The following PLXDC2 variants were observed in gnomAD, a reference collection of about 807,000 sequenced individuals.
PLXDC2 encodes the protein plexin domain-containing protein 2.
In PLXDC2, 40 loss-of-function variants were observed where a neutral mutation model predicts 68.9. That is an observed-to-expected ratio of 0.58 (90% CI 0.45 to 0.76). The LOEUF is 0.76. Ranked by LOEUF, PLXDC2 falls within the 30% of genes least tolerant of loss-of-function variation. The pLI, the probability that PLXDC2 is intolerant of heterozygous loss-of-function variation, is 0.00. For synonymous variants in PLXDC2, 243 were observed against 234.2 expected, an observed-to-expected ratio of 1.04 and a Z score of -0.34; for missense variants, 644 against 661.9, an observed-to-expected ratio of 0.97 and a Z score of 0.30.
rs190507400 is a variant in PLXDC2 at position 20,130,506 on chromosome 10, G to T, written c.542-12789G>T. Among the ~76,000 whole-genome samples the T allele has an allele frequency of 2.8e-3, 431 of 151,894 alleles. 1 individual carries two copies. Among genetic ancestry groups the T allele is most frequent in the Non-Finnish European group, 5.0e-3 (339 of 67,920 alleles). On this transcript the variant is annotated intron_variant, in intron 4 of 13. Transcript: ENST00000377252. ...TTTATTTCTTTTTTCTTGATTAATT[G>T]CTCTGGCTAGAACTTCTAATATTAT...
chr10:19,875,499 G>C (rs1031160123), intron 1 of PLXDC2, among the ~76,000 whole-genome samples: 14 of 152,186 alleles, frequency 9.2e-5, no homozygotes, highest in Admixed American at 8.5e-4. Flanking sequence ...TAACGACCTT[G>C]ATAATTAACA....
At chr10:19,986,663 T>G (rs941567139) in intron 1 of PLXDC2, among the ~76,000 whole-genome samples, 17 of 152,264 alleles carry the variant, frequency 1.1e-4, no homozygotes, top group Non-Finnish European at 2.2e-4. Flanking sequence ...GAGCAGTGTT[T>G]TGGGAGTTGT....
chr10:19,969,568 G>A (rs1834316029), intron 1 of PLXDC2, among the ~76,000 whole-genome samples: 1 of 152,208 alleles, frequency 6.6e-6, no homozygotes, highest in Non-Finnish European at 1.5e-5. Flanking sequence ...AAGTATGATG[G>A]AAAGTGAGAA....
intron 12 of PLXDC2, among the ~76,000 whole-genome samples, chr10:20,223,632 C>A (rs191872781): frequency 1.3e-5 from 2 of 152,212 alleles, no homozygotes; most frequent in East Asian, 3.9e-4. Flanking sequence ...TACAATCAAC[C>A]TTCCCATGGG....
At chr10:20,034,947 A>T (rs1469553299) in intron 2 of PLXDC2, among the ~76,000 whole-genome samples, 1 of 152,192 alleles carries the variant, frequency 6.6e-6, no homozygotes, top group Non-Finnish European at 1.5e-5. Flanking sequence ...TTGTACAATG[A>T]TGAAATTCCC....
At chr10:19,905,434 T>A (rs1423752681) in intron 1 of PLXDC2, among the ~76,000 whole-genome samples, 1 of 152,220 alleles carries the variant, frequency 6.6e-6, no homozygotes, top group Admixed American at 6.5e-5. Flanking sequence ...TGATAGACTC[T>A]GGGAAATAAG....
At chr10:20,092,842 A>G (rs1276304307) in intron 4 of PLXDC2, among the ~76,000 whole-genome samples, 1 of 151,920 alleles carries the variant, frequency 6.6e-6, no homozygotes, top group Non-Finnish European at 1.5e-5. Flanking sequence ...ACCACGGGGA[A>G]AGAGATCAGA....
At chr10:19,915,861 AAAAG>A (rs1425987768) in intron 1 of PLXDC2, among the ~76,000 whole-genome samples, 2 of 127,014 alleles carry the variant, frequency 1.6e-5, no homozygotes, top group African/African-American at 3.2e-5. Flanking sequence ...AAACCAAAAA[AAAAG>A]AAGAAGAAGA....
intron 4 of PLXDC2, among the ~76,000 whole-genome samples, chr10:20,140,669 T>A (rs1833993295): frequency 6.6e-6 from 1 of 152,134 alleles, no homozygotes; most frequent in Middle Eastern, 3.4e-3. Context: ...TCTGGAAAAT[T>A]AAGGAGAACT....
In PLXDC2 at chr10:20,163,316, T is replaced by C. The variant is rs548641691; in HGVS notation, c.784-1152T>C. Among the ~76,000 whole-genome samples, 3 of 152,336 alleles carry C rather than the reference T, an allele frequency of 2.0e-5. No individual in the cohort carries two copies. The South Asian group carries it at 6.2e-4, about 32-fold the overall frequency. The stretch of plus-strand genomic sequence containing the variant: ...ATTCCAAAAGCAATGAACTTTTTTC[T>C]TAATTTGTCCATTTTAACAAAATAG... On this transcript the variant is annotated intron_variant, in intron 6 of 13. Coordinates refer to ENST00000377252, the MANE Select transcript of PLXDC2 (RefSeq NM_032812.9).
chr10:20,115,376 C>T (rs1463491111), intron 4 of PLXDC2, among the ~76,000 whole-genome samples: 1 of 152,168 alleles, frequency 6.6e-6, no homozygotes, highest in Non-Finnish European at 1.5e-5. Flanking sequence ...TAAGTAGCCA[C>T]ACACTGGAGC....
intron 1 of PLXDC2, among the ~76,000 whole-genome samples, chr10:19,900,426 G>A (rs1399928672): frequency 1.3e-5 from 2 of 152,010 alleles, no homozygotes; most frequent in African/African-American, 2.4e-5. Context: ...TTATGAAAAT[G>A]TATGCCATTT....
intron 4 of PLXDC2, among the ~76,000 whole-genome samples, chr10:20,132,351 G>A (rs1257687328): frequency 6.6e-6 from 1 of 152,124 alleles, no homozygotes; most frequent in Non-Finnish European, 1.5e-5. Flanking sequence ...ATATATCTCT[G>A]TTAAATTCAT....
chr10:20,030,165 C>T (rs559039641), intron 2 of PLXDC2, among the ~76,000 whole-genome samples: 11 of 151,402 alleles, frequency 7.3e-5, no homozygotes, highest in East Asian at 2.0e-4. Flanking sequence ...TATAGTTACA[C>T]GTAGCCAGAC....
chr10:20,149,224 C>CTTTTTTTTTTTTTTT (rs1554770079), intron 6 of PLXDC2, among the ~76,000 whole-genome samples: 6 of 20,072 alleles, frequency 3.0e-4, no homozygotes, highest in African/African-American at 5.5e-4. Flanking sequence ...CTTTTTTTTT[C>CTTTTTTTTTTTTTTT]TTTTCTTTTT....
chr10:19,885,643 T>C (rs1339933762), intron 1 of PLXDC2, among the ~76,000 whole-genome samples: 5 of 151,366 alleles, frequency 3.3e-5, no homozygotes, highest in Non-Finnish European at 5.9e-5. Context: ...TTCTCAGGTT[T>C]GTCAAAGATC....
intron 1 of PLXDC2, among the ~76,000 whole-genome samples, chr10:19,863,169 G>T (rs1837346905): frequency 6.6e-6 from 1 of 152,132 alleles, no homozygotes; most frequent in Non-Finnish European, 1.5e-5. Flanking sequence ...AGAAACTAAG[G>T]ATGTGAATAT....
chr10:19,817,598 G>T (rs554539902), intron 1 of PLXDC2, among the ~76,000 whole-genome samples: 9 of 152,164 alleles, frequency 5.9e-5, no homozygotes, highest in Non-Finnish European at 1.3e-4. Flanking sequence ...GGGTGGGTGG[G>T]GGACGTTGTG....
chr10:19,928,597 C>T (rs371923619), intron 1 of PLXDC2, among the ~76,000 whole-genome samples: 1 of 152,098 alleles, frequency 6.6e-6, no homozygotes, highest in African/African-American at 2.4e-5. Flanking sequence ...TGAAGTGTGC[C>T]AGAGATCCAG....
Sources: gnomAD v4.1 joint callset for allele counts (sites outside exome capture counted in the v4.1 genomes callset) on GRCh38, gnomAD v4.1.1 for gene constraint, MANE v1.5 for transcripts, NCBI Gene and HGNC (gene_info 2026-07-23, HGNC 2026-07-21) for gene names.